Variants in RNF10 observed in about 807,000 individuals in gnomAD.
RNF10 encodes the protein ring finger protein 10, also known as E3 ubiquitin-protein ligase RNF10.
Under a neutral mutation model 91.4 loss-of-function variants are expected in RNF10, and 38 were observed. The observed-to-expected ratio is 0.42, with a 90% CI of 0.32 to 0.54. RNF10 has a LOEUF of 0.54. Ranked by LOEUF, RNF10 falls within the 20% of genes least tolerant of loss-of-function variation. The probability of loss-of-function intolerance (pLI) is 0.16; values close to 1 mark genes in which losing one functional copy is unlikely to be tolerated. For missense variants in RNF10, 945 were observed against 1,012.0 expected, an observed-to-expected ratio of 0.93 and a Z score of 0.90; for synonymous variants, 364 against 366.3, an observed-to-expected ratio of 0.99 and a Z score of 0.07.
intron 2 of RNF10, among the ~76,000 whole-genome samples, chr12:120,552,293 A>C (rs1873220990): frequency 6.6e-6 from 1 of 151,566 alleles, no homozygotes; most frequent in South Asian, 2.1e-4. Context: ...CCAGCTACTC[A>C]GGAGGCTGAG....
rs939498085 is a variant in RNF10 at position 120,546,335 on chromosome 12, A to T, written c.158-70A>T. On this transcript the variant is annotated intron_variant, in intron 1 of 16. Transcript: ENST00000325954. Reference sequence around the variant, plus strand: ...CTATTCACCCTTATTTTTTGCTGGGAGGTGGAGGGCAGTTGGCTAAGTGAA... The same window carrying T: ...CTATTCACCCTTATTTTTTGCTGGGTGGTGGAGGGCAGTTGGCTAAGTGAA... 2.8e-6 allele frequency: 4 copies of T among 1,417,302 alleles called. No individual in the cohort carries two copies. In the African/African-American group the frequency reaches 5.8e-5, roughly 20 times the overall value. The allele number at this position is 1,417,302 out of a possible 1,614,324, so 87.8% of individuals were successfully genotyped here. A position where few individuals can be genotyped will look rare whatever the true frequency, so the allele number is the denominator to read the frequency against.
chr12:120,565,647 A>G, intron 12 of RNF10, 118 bp downstream of exon 12: 1 of 782,070 alleles, frequency 1.3e-6, no homozygotes, highest in South Asian at 1.6e-5. Flanking sequence ...TTTAAATGTG[A>G]ATCATGAGAG....
At chr12:120,570,675 T>C (rs1417606123) in intron 13 of RNF10, among the ~76,000 whole-genome samples, 1 of 152,128 alleles carries the variant, frequency 6.6e-6, no homozygotes, top group Non-Finnish European at 1.5e-5. Flanking sequence ...GATAGAGAAG[T>C]GTATTACCTA....
rs1877423290 is a variant in RNF10 at position 120,576,576 on chromosome 12, G to C, written c.2360-14G>C. 6.2e-7 allele frequency: 1 copy of C among 1,611,988 alleles called. No homozygotes were observed. Among genetic ancestry groups the C allele is most frequent in the East Asian group, 2.2e-5 (1 of 44,862 alleles). On this transcript the variant is annotated splice_polypyrimidine_tract_variant and intron_variant, in intron 16 of 16. Transcript: ENST00000325954. ...GCATTTTAAGTTAAGCTGTCTTTCT[G>C]TGTCTCCCTTTAGAAGAGAAAGGAG...
At chr12:120,572,091 CG>C (rs1876721502) in intron 14 of RNF10, among the ~76,000 whole-genome samples, 2 of 148,018 alleles carry the variant, frequency 1.4e-5, no homozygotes, top group Non-Finnish European at 3.0e-5. Context: ...TTCTCCAAGA[CG>C]GAGTCTCCCT....
In RNF10 at chr12:120,575,617, TC is replaced by T; in HGVS notation, c.2143-11del. The T allele has an allele frequency of 6.2e-7, 1 of 1,614,156 alleles. No individual in the cohort carries two copies. The highest frequency in any genetic ancestry group is 8.5e-7 in the Non-Finnish European group (1 of 1,180,024). The stretch of plus-strand genomic sequence containing the variant: ...ACTTAAATTCTCTCCCCCACTTCTT[TC>T]CCACTTTGGCAGATGCTGAGGGTTG... On this transcript the variant is annotated splice_polypyrimidine_tract_variant and intron_variant, in intron 14 of 16. Transcript: ENST00000325954.
At position 120,534,644 on chromosome 12, in the gene RNF10, G is replaced by A; in HGVS notation, c.-168G>A. 1 of 1,345,140 alleles carries A rather than the reference G, an allele frequency of 7.4e-7. No homozygotes were observed. Among genetic ancestry groups the A allele is most frequent in the Non-Finnish European group, 9.5e-7 (1 of 1,054,528 alleles). 83.3% of individuals were successfully genotyped at this position (1,345,140 alleles called of 1,614,324 possible). A position where few individuals can be genotyped will look rare whatever the true frequency, so the allele number is the denominator to read the frequency against. On this transcript the variant is annotated 5_prime_UTR_variant, in exon 1 of 17. Transcript: ENST00000325954. ...GCCGGGCTTAACAGCCCCGTCCGCC[G>A]CTTCTCTTCCTAGTTTGAGAAGCCA...
chr12:120,563,307 G>C, intron 8 of RNF10, 40 bp from the exon 9 acceptor site: 1 of 1,577,772 alleles, frequency 6.3e-7, no homozygotes, highest in Non-Finnish European at 8.6e-7. Flanking sequence ...TCGGAAAGCA[G>C]GAGATATCCT....
Position 120,534,817 on chromosome 12 carries a change from GCTGAGC to G in RNF10, c.7_12del (p.Leu3_Ser4del). 1 of 1,581,074 alleles carries G rather than the reference GCTGAGC, an allele frequency of 6.3e-7. No individual in the cohort carries two copies. Among genetic ancestry groups the G allele is most frequent in the Non-Finnish European group, 8.5e-7 (1 of 1,169,968 alleles). On this transcript the variant is annotated inframe_deletion, in exon 1 of 17. Coordinates refer to ENST00000325954, the MANE Select transcript of RNF10 (RefSeq NM_014868.5). ...CGCCGCCGAGGCCCCCGTTGATGCC[GCTGAGC>G]TCCCCCAACGCCGCCGCCACCGCCT...
At chr12:120,568,112 G>T (rs986183802) in intron 13 of RNF10, among the ~76,000 whole-genome samples, 11 of 152,082 alleles carry the variant, frequency 7.2e-5, no homozygotes, top group African/African-American at 2.7e-4. Flanking sequence ...AGGTGTGGTA[G>T]TGTGTACCTG....
chr12:120,555,181 A>G (rs1873790089), intron 4 of RNF10, among the ~76,000 whole-genome samples: 1 of 152,204 alleles, frequency 6.6e-6, no homozygotes, highest in Non-Finnish European at 1.5e-5. Context: ...TGAGCCACAC[A>G]GTTGTACTTT....
Position 120,575,903 on chromosome 12 carries a change from C to T in RNF10, c.2312C>T (p.Ala771Val), listed in dbSNP as rs1877325186. Residue 771 changes from alanine (A) to valine (V), a missense_variant, in exon 16 of 17, where the codon GCA becomes GTA. By Grantham distance (64) the Ala-to-Val change is moderately conservative. Transcript: ENST00000325954. ...AATTCCTTCAGCCAAGCTATTGAAG[C>T]AGCCTTCATGAAACTGGACACACCA... is the stretch of plus-strand genomic sequence containing the variant. ...FQNSFSQAIEAAFMKLDTPAT... is the reference protein window; with the variant it reads ...FQNSFSQAIEVAFMKLDTPAT... 1.2e-6 allele frequency: 2 copies of T among 1,614,012 alleles called. No homozygotes were observed. The highest frequency in any genetic ancestry group is 1.7e-5 in the Admixed American group (1 of 59,996).
chr12:120,536,707 C>T (rs614226), intron 1 of RNF10, among the ~76,000 whole-genome samples: 27,498 of 152,102 alleles, frequency 0.18, 2,665 homozygotes, highest in Middle Eastern at 0.24. Flanking sequence ...GTGGTCTGTT[C>T]AAAGCAATTG....
At chr12:120,543,581 C>T (rs113889003) in intron 1 of RNF10, among the ~76,000 whole-genome samples, 4,745 of 152,142 alleles carry the variant, frequency 0.031, 238 homozygotes, top group African/African-American at 0.11. Flanking sequence ...GCTGGTGGAT[C>T]GCTTGAGCTC....
chr12:120,556,230 T>A (rs995373852), intron 4 of RNF10, among the ~76,000 whole-genome samples: 12 of 151,930 alleles, frequency 7.9e-5, no homozygotes. Flanking sequence ...AGCAGGGGCT[T>A]TTGACCTTAA....
Position 120,565,159 on chromosome 12 carries a change from GTCT to G in RNF10, c.1754_1756del (p.Val585_Ser586delinsAla), listed in dbSNP as rs1565966141. 1 of 1,612,860 alleles carries G rather than the reference GTCT, an allele frequency of 6.2e-7. No homozygotes were observed. The highest frequency in any genetic ancestry group is 8.5e-7 in the Non-Finnish European group (1 of 1,178,882). On this transcript the variant is annotated inframe_deletion, in exon 11 of 17. Coordinates refer to ENST00000325954, the MANE Select transcript of RNF10 (RefSeq NM_014868.5). ...TGAACTGGCTTTGCAACCTCCTGTG[GTCT>G]CTAAGGAAACCCTAGAGATGTTCTC...
In RNF10 at chr12:120,565,485, G is replaced by A. The variant is rs141882801; in HGVS notation, c.1841G>A (p.Arg614Gln). 4.3e-6 allele frequency: 7 copies of A among 1,613,962 alleles called. No individual in the cohort carries two copies. Among genetic ancestry groups the A allele is most frequent in the Admixed American group, 3.3e-5 (2 of 59,980 alleles). ...AAGAAGGCTCGGGAGGAACGCCGCC[G>A]AGAGCGCAGGATTGAGATAGAGGAG... ...RQKKAREERRRERRIEIEENK... is the reference protein window; with the variant it reads ...RQKKAREERRQERRIEIEENK... Residue 614 changes from arginine to glutamine, a missense_variant, in exon 12 of 17, where the codon CGA (arginine) becomes CAA (glutamine). Transcript: ENST00000325954.
chr12:120,536,702 C>G (rs962980390), intron 1 of RNF10, among the ~76,000 whole-genome samples: 1 of 152,156 alleles, frequency 6.6e-6, no homozygotes, highest in Non-Finnish European at 1.5e-5. Context: ...TTAGAGTGGT[C>G]TGTTCAAAGC....
In RNF10 at chr12:120,534,927, C is replaced by T. The variant is rs1402185363; in HGVS notation, c.116C>T (p.Ser39Phe). Residue 39 changes from serine to phenylalanine, a missense_variant, in exon 1 of 17, where the codon TCC becomes TTC. By Grantham distance (155) the Ser-to-Phe change is radical (BLOSUM62 -2). Coordinates refer to ENST00000325954, the MANE Select transcript of RNF10 (RefSeq NM_014868.5). ...AGCAAAGGGCAACAGCCGCCCCGCT[C>T]CGCCTCGGCGGGGCCAGCCGGCGAG... ...GSSKGQQPPR[S>F]ASAGPAGESK... The T allele has an allele frequency of 1.2e-6, 2 of 1,605,466 alleles. No homozygotes were observed. The highest frequency in any genetic ancestry group is 1.1e-5 in the South Asian group (1 of 90,834).
Sources: gnomAD v4.1 joint callset for allele counts (sites outside exome capture counted in the v4.1 genomes callset) on GRCh38, gnomAD v4.1.1 for gene constraint, MANE v1.5 for transcripts, NCBI Gene and HGNC (gene_info 2026-07-23, HGNC 2026-07-21) for gene names.